The following CUX1 variants were observed in gnomAD, a reference collection of about 807,000 sequenced individuals.
CUX1 encodes the protein protein CASP.
A neutral mutation model predicts 158.8 loss-of-function variants in CUX1; 31 were observed. That is an observed-to-expected ratio of 0.20 (90% CI 0.15 to 0.26). The LOEUF (loss-of-function observed/expected upper bound fraction) is 0.26, where lower values mean the gene tolerates loss of function less well. CUX1 is among the 10% of genes least tolerant of loss of function. CUX1 has a pLI of 1.00. For synonymous variants in CUX1, 879 were observed against 862.1 expected, an observed-to-expected ratio of 1.02 and a Z score of -0.34; for missense variants, 1,589 against 2,014.6, an observed-to-expected ratio of 0.79 and a Z score of 4.04.
chr7:101,846,566 G>A (rs559174905), intron 1 of CUX1, among the ~76,000 whole-genome samples: 1 of 152,214 alleles, frequency 6.6e-6, no homozygotes, highest in Non-Finnish European at 1.5e-5. Context: ...TGGCCTCAGC[G>A]ATTCTCCCAC....
At chr7:101,939,481 T>A (rs1386093636) in intron 2 of CUX1, among the ~76,000 whole-genome samples, 2 of 152,024 alleles carry the variant, frequency 1.3e-5, no homozygotes, top group Non-Finnish European at 2.9e-5. Context: ...GTCTGAACGA[T>A]CTTGTACAGC....
Position 102,060,903 on chromosome 7 carries a change from C to G in CUX1, c.190-9436C>G, listed in dbSNP as rs191037256. Among the ~76,000 whole-genome samples the G allele has an allele frequency of 4.6e-3, 677 of 145,734 alleles. 8 individuals carry two copies. The highest frequency in any genetic ancestry group is 0.016 in the African/African-American group (629 of 38,524). On this transcript the variant is annotated intron_variant, in intron 3 of 23. Coordinates refer to ENST00000292535, the MANE Select transcript of CUX1 (RefSeq NM_181552.4). ...CTGCGATTACAGGTGTGAACCACCG[C>G]GCCTGGCCTTTTTTTTTTTTTTTTT...
chr7:102,044,410 G>A (rs112983370), intron 3 of CUX1, among the ~76,000 whole-genome samples: 7 of 151,796 alleles, frequency 4.6e-5, no homozygotes, highest in Admixed American at 6.6e-5. Context: ...GGCTGGTCTC[G>A]AACTCCTGAC....
At chr7:102,098,081 C>A (rs1164886025) in intron 5 of CUX1, among the ~76,000 whole-genome samples, 2 of 152,256 alleles carry the variant, frequency 1.3e-5, no homozygotes, top group Non-Finnish European at 2.9e-5. Flanking sequence ...ACAAAGGAAT[C>A]TCTCCTTTAC....
intron 15 of CUX1, chr7:102,274,150 C>A: frequency 1.5e-6 from 2 of 1,295,312 alleles, no homozygotes; most frequent in Non-Finnish European, 2.2e-6. Context: ...CTCCTTGCCA[C>A]ACCCACCCTG....
intron 2 of CUX1, among the ~76,000 whole-genome samples, chr7:101,935,511 T>C (rs958347460): frequency 2.6e-5 from 4 of 152,224 alleles, no homozygotes; most frequent in African/African-American, 7.2e-5. Flanking sequence ...CCATCGGACA[T>C]GCTGGCACAT....
intron 20 of CUX1, among the ~76,000 whole-genome samples, chr7:102,222,734 G>A (rs1554527415): frequency 6.7e-6 from 1 of 150,112 alleles, no homozygotes; most frequent in Admixed American, 6.7e-5. Context: ...GGGTGCAGGC[G>A]CCACCAGCTG....
intron 2 of CUX1, among the ~76,000 whole-genome samples, chr7:102,022,233 C>T (rs1239270424): frequency 1.3e-5 from 2 of 152,196 alleles, no homozygotes; most frequent in African/African-American, 2.4e-5. Flanking sequence ...TTTCCTCCAG[C>T]AATTGGCATT....
At chr7:102,072,876 A>G (rs1826280084) in intron 4 of CUX1, among the ~76,000 whole-genome samples, 1 of 152,224 alleles carries the variant, frequency 6.6e-6, no homozygotes, top group Non-Finnish European at 1.5e-5. Flanking sequence ...AAGAATTTAC[A>G]GAAAAAGCAT....
intron 2 of CUX1, among the ~76,000 whole-genome samples, chr7:101,952,336 G>T (rs191748594): frequency 6.6e-6 from 1 of 152,180 alleles, no homozygotes; most frequent in African/African-American, 2.4e-5. Flanking sequence ...AGCCGTGATT[G>T]CGCCACTGCA....
At chr7:101,875,840 T>C (rs893705335) in intron 1 of CUX1, among the ~76,000 whole-genome samples, 35 of 152,152 alleles carry the variant, frequency 2.3e-4, no homozygotes, top group African/African-American at 7.7e-4. Flanking sequence ...TTTTTTTTTT[T>C]CCCAAAATGG....
At chr7:102,056,895 T>A (rs1824207073) in intron 3 of CUX1, among the ~76,000 whole-genome samples, 1 of 120,598 alleles carries the variant, frequency 8.3e-6, no homozygotes, top group African/African-American at 3.2e-5. Flanking sequence ...GTTTTTTGTT[T>A]TTTGTTTTCT....
chr7:102,019,178 G>T (rs376972625), intron 2 of CUX1, among the ~76,000 whole-genome samples: 2 of 151,676 alleles, frequency 1.3e-5, no homozygotes, highest in Non-Finnish European at 2.9e-5. Context: ...TTAGATAACC[G>T]CCCCCGCGCC....
chr7:102,230,975 C>G lies in CUX1; in HGVS notation c.3434-3077C>G, dbSNP rs575391217. ...TCCTGGGCTCAAGCAATCCTCCCAC[C>G]TCAGCCTACTGAGTAGCTGGGACTA... On this transcript the variant is annotated intron_variant, in intron 21 of 23. Transcript: ENST00000292535. 2.0e-5 allele frequency among the ~76,000 whole-genome samples: 3 copies of G among 152,132 alleles called. No homozygotes were observed. The South Asian group carries it at 6.2e-4, about 32-fold the overall frequency.
intron 2 of CUX1, among the ~76,000 whole-genome samples, chr7:101,975,223 C>T (rs1203903696): frequency 6.6e-6 from 1 of 151,370 alleles, no homozygotes; most frequent in Non-Finnish European, 1.5e-5. Context: ...TGTACTCCAG[C>T]CTGGGCAACA....
At chr7:101,825,959 C>T (rs971202142) in intron 1 of CUX1, among the ~76,000 whole-genome samples, 5 of 152,108 alleles carry the variant, frequency 3.3e-5, no homozygotes, top group African/African-American at 4.8e-5. Context: ...TTAATCTTCC[C>T]GAACCATTGA....
At position 102,181,439 on chromosome 7, in the gene CUX1, A is replaced by G. The variant is rs1252388257; in HGVS notation, c.1017+2782A>G. 2.0e-5 allele frequency among the ~76,000 whole-genome samples: 3 copies of G among 152,350 alleles called. No homozygotes were observed. The East Asian group carries it at 5.8e-4, about 29-fold the overall frequency. On this transcript the variant is annotated intron_variant, in intron 11 of 23. Coordinates refer to ENST00000292535, the MANE Select transcript of CUX1 (RefSeq NM_181552.4). The stretch of plus-strand genomic sequence containing the variant: ...GGCGTGACTCAGATACACACCGGCT[A>G]CAAGAGAGCAAAGCTGTAGACCTCA...
intron 1 of CUX1, among the ~76,000 whole-genome samples, chr7:101,888,258 G>C (rs1250398259): frequency 6.6e-6 from 1 of 152,052 alleles, no homozygotes; most frequent in Non-Finnish European, 1.5e-5. Context: ...TTGAACCCAG[G>C]AGACGGAGGT....
downstream of CUX1, among the ~76,000 whole-genome samples, chr7:102,258,696 C>T (rs1232661719): frequency 2.0e-5 from 3 of 152,188 alleles, no homozygotes; most frequent in Non-Finnish European, 4.4e-5. Context: ...ACCAGGACTA[C>T]GGCCAGTCTC....
Sources: gnomAD v4.1 joint callset for allele counts (sites outside exome capture counted in the v4.1 genomes callset) on GRCh38, gnomAD v4.1.1 for gene constraint, MANE v1.5 for transcripts, NCBI Gene and HGNC (gene_info 2026-07-23, HGNC 2026-07-21) for gene names.